NINJ1: variants seen among roughly 807,000 people sequenced by gnomAD.
NINJ1 encodes ninjurin-1.
A neutral mutation model predicts 12.7 loss-of-function variants in NINJ1; 6 were observed. The ratio of observed to expected loss-of-function variants is 0.47; its 90% CI spans 0.26 to 0.93. The LOEUF is 0.93. Among genes scored for constraint, NINJ1 ranks in the 40% least tolerant of loss-of-function variants. The probability of loss-of-function intolerance (pLI) is 0.15; values close to 1 mark genes in which losing one functional copy is unlikely to be tolerated. For synonymous variants in NINJ1, 100 were observed against 96.0 expected (o/e 1.04, Z -0.25); for missense variants, 170 against 213.0 (o/e 0.80, Z 1.26).
At chr9:93,122,604 C>A (rs188062915) in intron 3 of NINJ1, among the ~76,000 whole-genome samples, 32 of 152,314 alleles carry the variant, frequency 2.1e-4, no homozygotes, top group Middle Eastern at 6.8e-3. Context: ...TACTCCATGC[C>A]TCAGTTTCCC....
At chr9:93,125,827 G>C (rs1434081940) in intron 2 of NINJ1, 2 of 153,588 alleles carry the variant, frequency 1.3e-5, no homozygotes, top group African/African-American at 4.8e-5. Context: ...GAGGCAGAAG[G>C]CTCGCTTGAG....
chr9:93,128,840 A>C (rs1827849407), intron 1 of NINJ1, among the ~76,000 whole-genome samples: 2 of 150,944 alleles, frequency 1.3e-5, no homozygotes, highest in African/African-American at 4.9e-5. Context: ...AAAGACACAC[A>C]TAGACGTGAG....
intron 1 of NINJ1, among the ~76,000 whole-genome samples, chr9:93,128,168 C>T (rs1475490308): frequency 6.6e-6 from 1 of 152,166 alleles, no homozygotes; most frequent in Non-Finnish European, 1.5e-5. Context: ...CCGCCTTTAC[C>T]TGGGCCACCC....
chr9:93,129,154 T>G lies in NINJ1; in HGVS notation c.76-2516A>C, dbSNP rs2130751029. ...CTGCTGTCCTCATGCCCACTTAAGG[T>G]GGGTAAACTGAAGCCCAGCAAAGGC... is the stretch of plus-strand genomic sequence containing the variant. On this transcript the variant is annotated intron_variant, in intron 1 of 3. Coordinates refer to ENST00000375446, the MANE Select transcript of NINJ1 (RefSeq NM_004148.4). Among the ~76,000 whole-genome samples, 3 of 139,160 alleles carry G rather than the reference T, an allele frequency of 2.2e-5. No homozygotes were observed. The South Asian group carries it at 7.6e-4, about 35-fold the overall frequency. 91.3% of individuals were successfully genotyped at this position (139,160 alleles called of 152,430 possible).
rs369409973 is a variant in NINJ1, at chr9:93,134,127, G to C, written c.75+16C>G. On this transcript the variant is annotated intron_variant, in intron 1 of 3. Transcript: ENST00000375446. The stretch of plus-strand genomic sequence containing the variant: ...GGGCCTGGCAAGATCATGCAGCGGT[G>C]GGGGGAAGGTCTTACCGAGGCGTCC... The C allele has an allele frequency of 2.6e-6, 4 of 1,540,288 alleles. No individual in the cohort carries two copies. The highest frequency in any genetic ancestry group is 1.4e-5 in the African/African-American group (1 of 72,386).
Position 93,124,992 on chromosome 9 carries a change from C to T in NINJ1, c.375G>A (p.Leu125=), listed in dbSNP as rs373165256. ...TGTTGACTACCACGATGATGAACAC[C>T]AGGCCCGTGGCCAGGTTGTTGAGGA... ...LDFLNNLATG[L]VFIIVVVNIF... Residue 125 remains leucine (L), a synonymous_variant, in exon 3 of 4, where the codon CTG becomes CTA. Transcript: ENST00000375446. 2 of 1,614,126 alleles carry T rather than the reference C, an allele frequency of 1.2e-6. No homozygotes were observed. Among genetic ancestry groups the T allele is most frequent in the Non-Finnish European group, 1.7e-6 (2 of 1,179,980 alleles).
At chr9:93,133,054 AT>A (rs1827920549) in intron 1 of NINJ1, among the ~76,000 whole-genome samples, 2 of 152,162 alleles carry the variant, frequency 1.3e-5, no homozygotes, top group African/African-American at 4.8e-5. Context: ...CCCCCTGCCT[AT>A]TGCTCCAAAG....
chr9:93,125,121 TGG>T (rs1827793324), intron 2 of NINJ1, 59 bp from the exon 3 acceptor site: 2 of 1,535,374 alleles, frequency 1.3e-6, no homozygotes, highest in African/African-American at 2.7e-5. Flanking sequence ...CGCCCCAGCC[TGG>T]GACAGTGGAA....
At chr9:93,124,855 G>GT in intron 3 of NINJ1, 44 bp downstream of exon 3, 1 of 1,545,228 alleles carries the variant, frequency 6.5e-7, no homozygotes, top group Admixed American at 2.0e-5. Flanking sequence ...CCAACAGCGA[G>GT]CAACCCCAGG....
chr9:93,134,122 G>A, intron 1 of NINJ1, 21 bp downstream of exon 1: 1 of 1,537,102 alleles, frequency 6.5e-7, no homozygotes, highest in Non-Finnish European at 8.8e-7. Flanking sequence ...AGATCATGCA[G>A]CGGTGGGGGG....
chr9:93,134,017 C>T (rs1827937630), intron 1 of NINJ1, 126 bp downstream of exon 1: 2 of 626,510 alleles, frequency 3.2e-6, no homozygotes, highest in Non-Finnish European at 5.0e-6. Context: ...AAGGACTTGG[C>T]CTAGAGCGGG....
chr9:93,123,173 G>C (rs563457986), intron 3 of NINJ1, among the ~76,000 whole-genome samples: 13 of 152,250 alleles, frequency 8.5e-5, no homozygotes, highest in South Asian at 6.2e-4. Context: ...TACGAGCAGC[G>C]GTCACTCGTT....
intron 3 of NINJ1, among the ~76,000 whole-genome samples, chr9:93,123,302 C>T (rs919814881): frequency 2.6e-5 from 4 of 151,650 alleles, no homozygotes; most frequent in Admixed American, 2.0e-4. Context: ...TTTTTTTTCC[C>T]GAGATGGAGT....
At chr9:93,130,610 G>A (rs1396268681) in intron 1 of NINJ1, among the ~76,000 whole-genome samples, 1 of 152,184 alleles carries the variant, frequency 6.6e-6, no homozygotes, top group African/African-American at 2.4e-5. Context: ...TTCCTCATTT[G>A]TAAAATGGGT....
At chr9:93,131,884 C>G (rs1827899407) in intron 1 of NINJ1, among the ~76,000 whole-genome samples, 1 of 152,158 alleles carries the variant, frequency 6.6e-6, no homozygotes, top group South Asian at 2.1e-4. Flanking sequence ...AGCAGTTGTG[C>G]CCCATTTTAC....
intron 1 of NINJ1, among the ~76,000 whole-genome samples, chr9:93,130,927 G>A (rs1420089771): frequency 6.6e-6 from 1 of 152,210 alleles, no homozygotes; most frequent in Non-Finnish European, 1.5e-5. Context: ...TTGGCTGCTC[G>A]CAGCCTGTCC....
At chr9:93,126,353 C>T (rs565241448) in intron 2 of NINJ1, 57 bp downstream of exon 2, 17 of 1,479,546 alleles carry the variant, frequency 1.1e-5, no homozygotes, top group East Asian at 6.8e-5. Context: ...CCAGGCGATG[C>T]GAGCAGATGC....
chr9:93,124,604 C>T (rs1255191443), intron 3 of NINJ1, among the ~76,000 whole-genome samples: 2 of 151,264 alleles, frequency 1.3e-5, no homozygotes, highest in East Asian at 3.9e-4. Flanking sequence ...ATCGGACAGA[C>T]ATTCTGAATG....
At chr9:93,132,780 G>A (rs565017235) in intron 1 of NINJ1, among the ~76,000 whole-genome samples, 1 of 152,380 alleles carries the variant, frequency 6.6e-6, no homozygotes, top group African/African-American at 2.4e-5. Context: ...ACCCATCTCA[G>A]GAGGCACAGC....
Sources: allele counts gnomAD v4.1 joint callset (sites outside exome capture counted in the v4.1 genomes callset), GRCh38; gene constraint gnomAD v4.1.1; transcripts MANE v1.5; gene names NCBI Gene and HGNC (gene_info 2026-07-23, HGNC 2026-07-21).